USP53: variants seen among roughly 807,000 people sequenced by gnomAD.
USP53 encodes the protein ubiquitin carboxyl-terminal hydrolase 53.
In USP53, 71 loss-of-function variants were observed where a neutral mutation model predicts 94.9. The ratio of observed to expected loss-of-function variants is 0.75; its 90% confidence interval spans 0.62 to 0.91. The LOEUF (loss-of-function observed/expected upper bound fraction) is 0.91. Among genes scored for constraint, USP53 ranks in the 40% least tolerant of loss-of-function variants. The probability of loss-of-function intolerance (pLI) is 0.00; values close to 1 mark genes in which losing one functional copy is unlikely to be tolerated. For missense variants in USP53, 1,173 were observed against 1,281.0 expected, an observed-to-expected ratio of 0.92 and a Z score of 1.29; for synonymous variants, 375 against 422.7, an observed-to-expected ratio of 0.89 and a Z score of 1.39.
At chr4:119,243,414 C>T (rs927637574) in intron 5 of USP53, among the ~76,000 whole-genome samples, 2 of 152,082 alleles carry the variant, frequency 1.3e-5, no homozygotes, top group Non-Finnish European at 2.9e-5. Context: ...ACAAGAATTG[C>T]TTGAACCCAG....
intron 17 of USP53, among the ~76,000 whole-genome samples, chr4:119,290,929 A>T (rs919217542): frequency 2.6e-5 from 4 of 152,214 alleles, no homozygotes; most frequent in African/African-American, 9.6e-5. Context: ...GCACTATTCC[A>T]TCATGGATGA....
upstream of USP53, chr4:119,212,609 C>G (rs1743001348): frequency 2.5e-6 from 1 of 406,934 alleles, no homozygotes; most frequent in South Asian, 1.7e-5. Context: ...ACCTGTTGAT[C>G]GCAGGTGTCA....
chr4:119,279,373 G>T (rs1753138448), intron 17 of USP53, among the ~76,000 whole-genome samples: 1 of 150,072 alleles, frequency 6.7e-6, no homozygotes, highest in African/African-American at 2.5e-5. Context: ...TGAGGTGTCA[G>T]TGTGCCCCTG....
intron 15 of USP53, 165 bp from the exon 16 acceptor site, chr4:119,271,131 G>A (rs1265973095): frequency 1.2e-6 from 1 of 825,158 alleles, no homozygotes; most frequent in Non-Finnish European, 1.5e-6. Flanking sequence ...GCATACACAA[G>A]GACTGGAAAA....
intron 17 of USP53, among the ~76,000 whole-genome samples, chr4:119,275,938 A>G (rs1357562177): frequency 1.3e-5 from 2 of 149,062 alleles, no homozygotes; most frequent in South Asian, 2.2e-4. Flanking sequence ...TGATTTTTGT[A>G]CATTGATTTT....
Position 119,293,031 on chromosome 4 carries a change from T to G in USP53, c.3042T>G (p.Ile1014Met), listed in dbSNP as rs765908737. 1.2e-6 allele frequency: 2 copies of G among 1,614,082 alleles called. No individual in the cohort carries two copies. Among genetic ancestry groups the G allele is most frequent in the Admixed American group, 1.7e-5 (1 of 60,000 alleles). Residue 1014 changes from isoleucine (I) to methionine (M), a missense_variant, in exon 19 of 19, where the codon ATT (isoleucine) becomes ATG (methionine). Physicochemically the swap from Ile to Met is conservative, Grantham distance 10. Transcript: ENST00000692078. Reference sequence around the variant, plus strand: ...ATTTTCAGGCAAACTCAGGTGCCATTGATGCATTTTGCCAACCAGAACTAG... The same window carrying G: ...ATTTTCAGGCAAACTCAGGTGCCATGGATGCATTTTGCCAACCAGAACTAG... ...TNDFQANSGA[I>M]DAFCQPELDS...
chr4:119,233,073 T>G (rs767115840), intron 3 of USP53, among the ~76,000 whole-genome samples: 13 of 152,234 alleles, frequency 8.5e-5, no homozygotes, highest in Admixed American at 2.6e-4. Flanking sequence ...CTGTTCCTTT[T>G]TAGTTATTGC....
At chr4:119,260,066 C>T (rs984375336) in intron 10 of USP53, 141 bp downstream of exon 10, 4 of 526,558 alleles carry the variant, frequency 7.6e-6, no homozygotes, top group Non-Finnish European at 1.2e-5. Flanking sequence ...TTAGATTATA[C>T]CATGTGTATC....
chr4:119,212,689 G>A (rs998275272), upstream of USP53: 4 of 344,518 alleles, frequency 1.2e-5, no homozygotes, highest in Non-Finnish European at 2.3e-5. Flanking sequence ...GCTCTGGGCG[G>A]CGGAGACCAG....
intron 3 of USP53, among the ~76,000 whole-genome samples, chr4:119,234,883 T>C (rs1746525338): frequency 1.3e-5 from 2 of 152,228 alleles, no homozygotes; most frequent in Admixed American, 6.5e-5. Context: ...CAGCTGAGGT[T>C]CCGCATCCCA....
chr4:119,271,516 T>C lies in USP53; in HGVS notation c.1656T>C (p.Ser552=), dbSNP rs772306514. The C allele has an allele frequency of 2.5e-6, 4 of 1,613,100 alleles. No individual in the cohort carries two copies. The highest frequency in any genetic ancestry group is 3.4e-6 in the Non-Finnish European group (4 of 1,179,890). ...PGEKITGKVK[S]DNGTGYDTDS... ...AGAAAATAACTGGCAAAGTTAAGAGTGACAATGGCACTGGATATGACACAG... is the reference window on the plus strand; with the variant it reads ...AGAAAATAACTGGCAAAGTTAAGAGCGACAATGGCACTGGATATGACACAG... Residue 552 remains serine, a synonymous_variant, in exon 16 of 19, where the codon AGT becomes AGC. Transcript: ENST00000692078.
chr4:119,225,325 A>C, intron 3 of USP53, among the ~76,000 whole-genome samples: 1 of 152,256 alleles, frequency 6.6e-6, no homozygotes, highest in East Asian at 1.9e-4. Flanking sequence ...AGAAAATTCT[A>C]GGCCCAGATA....
intron 7 of USP53, among the ~76,000 whole-genome samples, chr4:119,252,241 G>A (rs1749111230): frequency 6.6e-6 from 1 of 152,176 alleles, no homozygotes; most frequent in African/African-American, 2.4e-5. Flanking sequence ...GATGATGCTG[G>A]CCTCATAAAA....
At chr4:119,248,981 A>G in intron 7 of USP53, 99 bp downstream of exon 7, 2 of 1,484,864 alleles carry the variant, frequency 1.3e-6, no homozygotes, top group Non-Finnish European at 1.8e-6. Flanking sequence ...TTAGAACAAT[A>G]GAAAAATGTC....
At chr4:119,272,115 G>T (rs1751951958) in intron 16 of USP53, 81 bp downstream of exon 16, 9 of 1,458,914 alleles carry the variant, frequency 6.2e-6, no homozygotes, top group African/African-American at 1.4e-5. Flanking sequence ...GAAGTTTGGG[G>T]TCAATTAAAT....
At chr4:119,262,139 T>G (rs1401170979) in intron 12 of USP53, among the ~76,000 whole-genome samples, 1 of 152,178 alleles carries the variant, frequency 6.6e-6, no homozygotes, top group Admixed American at 6.5e-5. Flanking sequence ...CAGTGATCTG[T>G]GTGTCAGTGA....
chr4:119,217,121 A>G (rs1012272861), intron 2 of USP53, among the ~76,000 whole-genome samples: 6 of 152,208 alleles, frequency 3.9e-5, no homozygotes, highest in South Asian at 2.1e-4. Context: ...TAAAATATCT[A>G]TGGGAATTAT....
chr4:119,247,723 C>T (rs1748441555), intron 6 of USP53, among the ~76,000 whole-genome samples: 1 of 152,146 alleles, frequency 6.6e-6, no homozygotes, highest in South Asian at 2.1e-4. Context: ...GAGTGACAGT[C>T]TCGCATAGGA....
chr4:119,259,405 T>G (rs1750193942), intron 9 of USP53, among the ~76,000 whole-genome samples: 1 of 152,208 alleles, frequency 6.6e-6, no homozygotes, highest in Non-Finnish European at 1.5e-5. Flanking sequence ...TAGCTGAAAT[T>G]GATAACATTG....
Sources: gnomAD v4.1 joint callset for allele counts (sites outside exome capture counted in the v4.1 genomes callset) on GRCh38, gnomAD v4.1.1 for gene constraint, MANE v1.5 for transcripts, NCBI Gene and HGNC (gene_info 2026-07-23, HGNC 2026-07-21) for gene names.